CADM2: variants seen among roughly 807,000 people sequenced by gnomAD.
CADM2 encodes the protein cell adhesion molecule 2.
Under a neutral mutation model 49.8 loss-of-function variants are expected in CADM2, and 12 were observed. That is an observed-to-expected ratio of 0.24 (90% CI 0.15 to 0.39). The LOEUF is 0.39. Ranked by LOEUF, CADM2 falls within the 10% of genes least tolerant of loss-of-function variation. CADM2 has a pLI of 1.00. For synonymous variants in CADM2, 214 were observed against 175.4 expected (o/e 1.22, Z -1.74); for missense variants, 378 against 492.3 (o/e 0.77, Z 2.20).
At chr3:85,756,366 A>C (rs912851431) in intron 2 of CADM2, among the ~76,000 whole-genome samples, 11 of 152,170 alleles carry the variant, frequency 7.2e-5, no homozygotes, top group Non-Finnish European at 1.6e-4. Flanking sequence ...GGCAATGATT[A>C]ATTCTGATTA....
At chr3:86,056,860 A>G (rs2107362770) in intron 8 of CADM2, among the ~76,000 whole-genome samples, 1 of 152,300 alleles carries the variant, frequency 6.6e-6, no homozygotes, top group Middle Eastern at 3.4e-3. Context: ...TTTGTTTTTT[A>G]TGAGCTTCAT....
At chr3:85,864,311 T>A (rs1324229992) in intron 3 of CADM2, among the ~76,000 whole-genome samples, 1 of 152,236 alleles carries the variant, frequency 6.6e-6, no homozygotes, top group Non-Finnish European at 1.5e-5. Context: ...TCAGCAGGAA[T>A]GAATTACTTT....
At chr3:85,329,469 C>T (rs1260013897) in intron 1 of CADM2, among the ~76,000 whole-genome samples, 1 of 151,914 alleles carries the variant, frequency 6.6e-6, no homozygotes, top group Non-Finnish European at 1.5e-5. Context: ...ACTTGAGAGG[C>T]TGAGGCAGAA....
chr3:85,412,629 C>G (rs1197764112), intron 1 of CADM2, among the ~76,000 whole-genome samples: 3 of 150,908 alleles, frequency 2.0e-5, no homozygotes, highest in East Asian at 3.9e-4. Flanking sequence ...AATAAAGGGA[C>G]AAGTGGAGCG....
intron 1 of CADM2, among the ~76,000 whole-genome samples, chr3:85,241,598 CA>C (rs548781066): frequency 4.6e-4 from 69 of 150,966 alleles, no homozygotes; most frequent in African/African-American, 1.6e-3. Context: ...TTCAGTTGTT[CA>C]AAAAAACATA....
intron 1 of CADM2, among the ~76,000 whole-genome samples, chr3:85,429,167 T>C (rs1240487893): frequency 6.6e-6 from 1 of 152,002 alleles, no homozygotes; most frequent in Admixed American, 6.6e-5. Flanking sequence ...GAAGAATGGG[T>C]CTGTGTTCTG....
intron 2 of CADM2, among the ~76,000 whole-genome samples, chr3:85,783,303 A>C (rs564802750): frequency 6.6e-6 from 1 of 152,372 alleles, no homozygotes; most frequent in Non-Finnish European, 1.5e-5. Flanking sequence ...CCATTAAAAT[A>C]GCTTAACAGT....
rs2038154739 is a variant in CADM2 at position 85,104,963 on chromosome 3, AT to A, written c.61+145299del. ...TGAAGTTTCTTATCAGCTTAAGGAG[AT>A]TTTGGGGTGAGACGATGGGGTTTTC... is the stretch of plus-strand genomic sequence containing the variant. On this transcript the variant is annotated intron_variant, in intron 1 of 9. Coordinates refer to ENST00000383699, the MANE Select transcript of CADM2 (RefSeq NM_001167675.2). Among the ~76,000 whole-genome samples the A allele has an allele frequency of 2.0e-5, 3 of 152,120 alleles. No homozygotes were observed. The East Asian group carries it at 5.8e-4, about 30-fold the overall frequency.
chr3:85,208,568 A>G (rs2041706191), intron 1 of CADM2, among the ~76,000 whole-genome samples: 1 of 152,154 alleles, frequency 6.6e-6, no homozygotes, highest in Non-Finnish European at 1.5e-5. Flanking sequence ...AGTTTTAATG[A>G]CAACCCAGCC....
At chr3:85,338,855 T>C (rs1250084870) in intron 1 of CADM2, among the ~76,000 whole-genome samples, 1 of 151,522 alleles carries the variant, frequency 6.6e-6, no homozygotes, top group African/African-American at 2.4e-5. Context: ...GGCATCTACT[T>C]AGATATAGAT....
At chr3:85,925,452 G>A (rs1311460836) in intron 6 of CADM2, among the ~76,000 whole-genome samples, 1 of 152,146 alleles carries the variant, frequency 6.6e-6, no homozygotes, top group Non-Finnish European at 1.5e-5. Context: ...AGAAATGTAA[G>A]TTAAATGGAA....
At chr3:85,953,485 A>G (rs1723690785) in intron 7 of CADM2, among the ~76,000 whole-genome samples, 1 of 150,848 alleles carries the variant, frequency 6.6e-6, no homozygotes, top group Admixed American at 6.7e-5. Context: ...GAGTTGGTGT[A>G]TTCTATTTCT....
chr3:85,692,758 T>G (rs1424272271), intron 1 of CADM2, among the ~76,000 whole-genome samples: 1 of 152,338 alleles, frequency 6.6e-6, no homozygotes. Context: ...GAGGTCATTA[T>G]AATTTTTTTA....
chr3:85,616,721 A>G (rs1015635677), intron 1 of CADM2, among the ~76,000 whole-genome samples: 3 of 152,190 alleles, frequency 2.0e-5, no homozygotes, highest in Non-Finnish European at 4.4e-5. Flanking sequence ...TGTCATTTTA[A>G]TAAGACTTTA....
chr3:85,720,376 A>G (rs576157584), intron 1 of CADM2, among the ~76,000 whole-genome samples: 2 of 152,178 alleles, frequency 1.3e-5, no homozygotes, highest in African/African-American at 4.8e-5. Context: ...CTGAATGGTA[A>G]TCATTGCCTA....
chr3:85,117,600 T>C (rs984641114), intron 1 of CADM2, among the ~76,000 whole-genome samples: 3 of 152,192 alleles, frequency 2.0e-5, no homozygotes, highest in Non-Finnish European at 4.4e-5. Flanking sequence ...TAATATAGCA[T>C]TACAGTTGTA....
intron 1 of CADM2, among the ~76,000 whole-genome samples, chr3:85,165,398 C>G (rs1369200254): frequency 2.0e-5 from 3 of 151,822 alleles, no homozygotes; most frequent in African/African-American, 7.2e-5. Flanking sequence ...CTTAAGAACG[C>G]ACTTAAAAAA....
chr3:85,427,299 A>G (rs1029501444), intron 1 of CADM2, among the ~76,000 whole-genome samples: 2 of 151,418 alleles, frequency 1.3e-5, no homozygotes, highest in African/African-American at 4.9e-5. Flanking sequence ...TTAGTCCAAT[A>G]ATTAAACTGG....
At chr3:85,388,545 T>C (rs1280644592) in intron 1 of CADM2, among the ~76,000 whole-genome samples, 2 of 152,194 alleles carry the variant, frequency 1.3e-5, no homozygotes, top group Non-Finnish European at 2.9e-5. Context: ...ATGTATTTTA[T>C]ATATATGTCA....
Sources: allele counts gnomAD v4.1 joint callset (sites outside exome capture counted in the v4.1 genomes callset), GRCh38; gene constraint gnomAD v4.1.1; transcripts MANE v1.5; gene names NCBI Gene and HGNC (gene_info 2026-07-23, HGNC 2026-07-21).